The following ZZZ3 variants were observed in gnomAD, a reference collection of about 807,000 sequenced individuals.
ZZZ3 encodes the protein zinc finger ZZ-type containing 3, also known as ZZ-type zinc finger-containing protein 3.
A neutral mutation model predicts 95.2 loss-of-function variants in ZZZ3; 22 were observed. The observed-to-expected ratio is 0.23, with a 90% CI of 0.17 to 0.33. The LOEUF (loss-of-function observed/expected upper bound fraction) is 0.33, where lower values mean the gene tolerates loss of function less well. ZZZ3 is among the 10% of genes least tolerant of loss of function. The pLI, the probability that ZZZ3 is intolerant of heterozygous loss-of-function variation, is 1.00. For synonymous variants in ZZZ3, 335 were observed against 358.9 expected, an observed-to-expected ratio of 0.93 and a Z score of 0.75; for missense variants, 885 against 1,066.5, an observed-to-expected ratio of 0.83 and a Z score of 2.37.
intron 5 of ZZZ3, among the ~76,000 whole-genome samples, chr1:77,620,269 C>T (rs6657290): frequency 1.3e-5 from 2 of 151,924 alleles, no homozygotes; most frequent in African/African-American, 4.8e-5. Flanking sequence ...ATAGAATGTA[C>T]AGTGAGAGGC....
chr1:77,568,375 T>A lies in ZZZ3; in HGVS notation c.2423A>T (p.Gln808Leu). 1 of 1,599,900 alleles carries A rather than the reference T, an allele frequency of 6.3e-7. No individual in the cohort carries two copies. Residue 808 changes from glutamine to leucine, a missense_variant, in exon 13 of 15, where the codon CAA (glutamine) becomes CTA (leucine). Physicochemically the swap from Gln to Leu is moderately radical, Grantham distance 113. This residue lies in a region of ZZZ3 where 221 missense variants were observed against 247.8 expected (regional missense o/e 0.89). Coordinates refer to ENST00000370801, the MANE Select transcript of ZZZ3 (RefSeq NM_015534.6). ...CACAAATCCACTTTCAGCTTGCATT[T>A]GCTGAAGTTTCTGCTTCTTTAACTT... ...FKKLKKQKLQ[Q>L]MQAESGFVQH...
intron 5 of ZZZ3, among the ~76,000 whole-genome samples, chr1:77,627,004 T>A (rs1366429135): frequency 6.6e-6 from 1 of 152,134 alleles, no homozygotes. Context: ...CAGATAATCA[T>A]GACTACAATT....
Position 77,568,475 on chromosome 1 carries a change from A to C in ZZZ3, c.2332-9T>G. ...GGAATACTTTCGTCATCCTATCAAAAAAAAAAAAAAAAAAAAATGTTGGTT... is the reference window on the plus strand; with the variant it reads ...GGAATACTTTCGTCATCCTATCAAACAAAAAAAAAAAAAAAAATGTTGGTT... On this transcript the variant is annotated splice_polypyrimidine_tract_variant and intron_variant, in intron 12 of 14. Transcript: ENST00000370801. The C allele has an allele frequency of 4.1e-6, 3 of 726,844 alleles. No individual in the cohort carries two copies. The highest frequency in any genetic ancestry group is 2.0e-5 in the South Asian group (1 of 50,856). 45.0% of individuals were successfully genotyped at this position (726,844 alleles called of 1,614,324 possible). A position where few individuals can be genotyped will look rare whatever the true frequency, so the allele number is the denominator to read the frequency against.
Position 77,641,514 on chromosome 1 carries a change from T to C in ZZZ3, c.-269+8A>G, listed in dbSNP as rs930009857. 2.0e-5 allele frequency: 8 copies of C among 398,016 alleles called. No individual in the cohort carries two copies. The highest frequency in any genetic ancestry group is 3.5e-5 in the Non-Finnish European group (8 of 225,788). The allele number at this position is 398,016 out of a possible 1,614,324, so 24.7% of individuals were successfully genotyped here. The stretch of plus-strand genomic sequence containing the variant: ...CATGGCCTTAATTAAGATTACATTA[T>C]TTCTTACCTTTTAAAAAGCGTTTTG... On this transcript the variant is annotated splice_region_variant and intron_variant, in intron 2 of 14. Coordinates refer to ENST00000370801, the MANE Select transcript of ZZZ3 (RefSeq NM_015534.6).
At chr1:77,574,403 G>A (rs1027409498) in intron 12 of ZZZ3, among the ~76,000 whole-genome samples, 42 of 152,110 alleles carry the variant, frequency 2.8e-4, no homozygotes, top group Middle Eastern at 3.4e-3. Context: ...AAAAGTCCTA[G>A]AGTTCTTAAG....
intron 1 of ZZZ3, among the ~76,000 whole-genome samples, chr1:77,673,695 C>T (rs1671992454): frequency 6.6e-6 from 1 of 151,566 alleles, no homozygotes; most frequent in South Asian, 2.1e-4. Flanking sequence ...TTTTACCAGC[C>T]TATTTGATTT....
chr1:77,628,426 T>C (rs1415416423), intron 5 of ZZZ3, among the ~76,000 whole-genome samples: 2 of 152,114 alleles, frequency 1.3e-5, no homozygotes, highest in Admixed American at 1.3e-4. Context: ...AAAATAAATA[T>C]ATAAAAGCAC....
At position 77,579,828 on chromosome 1, in the gene ZZZ3, A is replaced by T. The variant is rs867715013; in HGVS notation, c.1981-200T>A. ...TTCACAGGGAACAATGAAATTAGAG[A>T]ATAAACTTATGAAAGAGCTTAGAAA... On this transcript the variant is annotated intron_variant, in intron 9 of 14. Transcript: ENST00000370801. The T allele has an allele frequency of 1.4e-4, 49 of 350,882 alleles. No homozygotes were observed. The Middle Eastern group carries it at 2.3e-3, about 16-fold the overall frequency. 21.7% of individuals were successfully genotyped at this position (350,882 alleles called of 1,614,324 possible).
At chr1:77,665,172 A>G (rs1034647554) in intron 1 of ZZZ3, among the ~76,000 whole-genome samples, 5 of 152,242 alleles carry the variant, frequency 3.3e-5, no homozygotes, top group Admixed American at 3.3e-4. Flanking sequence ...AAACAATTAC[A>G]AAAGGTCTTA....
chr1:77,570,104 CTTTT>C (rs907173455), intron 12 of ZZZ3, among the ~76,000 whole-genome samples: 5 of 151,786 alleles, frequency 3.3e-5, no homozygotes, highest in Non-Finnish European at 7.4e-5. Flanking sequence ...CTCAGTTTTT[CTTTT>C]TTTTCTTTTT....
At chr1:77,667,757 G>A (rs937146265) in intron 1 of ZZZ3, among the ~76,000 whole-genome samples, 1 of 147,126 alleles carries the variant, frequency 6.8e-6, no homozygotes, top group Admixed American at 6.8e-5. Flanking sequence ...TAGTTAAATG[G>A]GTATTCTTTT....
At chr1:77,651,888 G>C (rs1250465404) in intron 1 of ZZZ3, among the ~76,000 whole-genome samples, 1 of 151,914 alleles carries the variant, frequency 6.6e-6, no homozygotes, top group East Asian at 1.9e-4. Context: ...GTGGTGGCGT[G>C]CATCTGTAGT....
chr1:77,646,068 T>C (rs897006372), intron 1 of ZZZ3, among the ~76,000 whole-genome samples: 5 of 152,154 alleles, frequency 3.3e-5, no homozygotes, highest in African/African-American at 1.2e-4. Flanking sequence ...AAATGAGTTA[T>C]GATACACCCT....
intron 5 of ZZZ3, among the ~76,000 whole-genome samples, chr1:77,607,742 T>A (rs1665389627): frequency 6.6e-6 from 1 of 151,658 alleles, no homozygotes; most frequent in African/African-American, 2.4e-5. Flanking sequence ...GCGAACATGG[T>A]GAAACCTTAT....
chr1:77,657,337 TA>T (rs2100995243), intron 1 of ZZZ3, among the ~76,000 whole-genome samples: 1 of 152,280 alleles, frequency 6.6e-6, no homozygotes, highest in East Asian at 1.9e-4. Flanking sequence ...TCAACAGCAC[TA>T]TAACTTTTCA....
intron 5 of ZZZ3, among the ~76,000 whole-genome samples, chr1:77,627,999 T>G (rs528227771): frequency 6.6e-6 from 1 of 152,332 alleles, no homozygotes; most frequent in African/African-American, 2.4e-5. Flanking sequence ...TTCCAGTGAT[T>G]ACGTTTTGAA....
chr1:77,628,676 T>C (rs1667527812), intron 5 of ZZZ3, among the ~76,000 whole-genome samples: 2 of 152,240 alleles, frequency 1.3e-5, no homozygotes, highest in Non-Finnish European at 2.9e-5. Flanking sequence ...TAGAAGGCTG[T>C]TGATCACTGT....
intron 1 of ZZZ3, among the ~76,000 whole-genome samples, chr1:77,675,154 T>A (rs1383567647): frequency 1.3e-5 from 2 of 152,086 alleles, no homozygotes; most frequent in Non-Finnish European, 2.9e-5. Context: ...CAAGGGCTAT[T>A]AGTGGATAAA....
intron 5 of ZZZ3, among the ~76,000 whole-genome samples, chr1:77,625,806 A>G (rs1283362287): frequency 2.0e-5 from 3 of 151,662 alleles, no homozygotes; most frequent in Non-Finnish European, 2.9e-5. Flanking sequence ...CCTGGTCAAC[A>G]TGATGAAACT....
Sources: gnomAD v4.1 joint callset for allele counts (sites outside exome capture counted in the v4.1 genomes callset) on GRCh38, gnomAD v4.1.1 for gene constraint, gnomAD v4.1.1 regional missense constraint, MANE v1.5 for transcripts, NCBI Gene and HGNC (gene_info 2026-07-23, HGNC 2026-07-21) for gene names.